NFE2L3: variants seen among roughly 807,000 people sequenced by gnomAD.
The protein encoded by NFE2L3 is NFE2 like bZIP transcription factor 3.
In NFE2L3, 18 loss-of-function variants were observed where a neutral mutation model predicts 23.5. That is an observed-to-expected ratio of 0.77 (90% CI 0.53 to 1.13). The LOEUF is 1.13. Among genes scored for constraint, NFE2L3 ranks in the 50% most tolerant of loss-of-function variants. The pLI, the probability that NFE2L3 is intolerant of heterozygous loss-of-function variation, is 0.00. For missense variants in NFE2L3, 1,152 were observed against 877.2 expected (o/e 1.31, Z -3.96); for synonymous variants, 424 against 354.5 (o/e 1.20, Z -2.20).
rs528058254 is a variant in NFE2L3, at chr7:26,186,983, C to T, written c.*1200C>T. 2 of 152,170 alleles carry T rather than the reference C, an allele frequency of 1.3e-5. No individual in the cohort carries two copies. Among genetic ancestry groups the T allele is most frequent in the East Asian group, 3.9e-4 (2 of 5,182 alleles). 9.4% of individuals were successfully genotyped at this position (152,170 alleles called of 1,614,324 possible). On this transcript the variant is annotated 3_prime_UTR_variant, in exon 4 of 4. Transcript: ENST00000056233. Reference sequence around the variant, plus strand: ...CGGGTACTATAATGCTTAATATGTCCAAATTTTCAAAATGAAGTTTCTCAG... The same window carrying T: ...CGGGTACTATAATGCTTAATATGTCTAAATTTTCAAAATGAAGTTTCTCAG...
In NFE2L3 at chr7:26,185,880, C is replaced by T. The variant is rs749323036; in HGVS notation, c.*97C>T. 8.3e-6 allele frequency: 8 copies of T among 965,044 alleles called. No individual in the cohort carries two copies. The highest frequency in any genetic ancestry group is 1.2e-5 in the Non-Finnish European group (8 of 662,460). The allele number at this position is 965,044 out of a possible 1,614,324, so 59.8% of individuals were successfully genotyped here. On this transcript the variant is annotated 3_prime_UTR_variant, in exon 4 of 4. Coordinates refer to ENST00000056233, the MANE Select transcript of NFE2L3 (RefSeq NM_004289.7). ...ATTGAAACTGCTTCAAGAATTGTAT[C>T]TTTAAGTACTGCTACTTGAATAACT...
intron 1 of NFE2L3, among the ~76,000 whole-genome samples, chr7:26,168,309 G>A (rs529766770): frequency 6.6e-5 from 10 of 151,568 alleles, no homozygotes; most frequent in African/African-American, 2.4e-4. Context: ...GCTAATTTTT[G>A]TATTTTAAGT....
At position 26,184,554 on chromosome 7, in the gene NFE2L3, C is replaced by G; in HGVS notation, c.856C>G (p.Pro286Ala). The change falls in exon 4 of 4, where the codon CCT (proline) becomes GCT (alanine). Residue 286 changes from proline to alanine, a missense_variant. Transcript: ENST00000056233. ...TCAGGGCATCTCATTGGGAGATATTCCTCTTCCAGGCAGTATCAGTGATGG... is the reference window on the plus strand; with the variant it reads ...TCAGGGCATCTCATTGGGAGATATTGCTCTTCCAGGCAGTATCAGTGATGG... Reference protein sequence around the residue: ...SLEGISLGDIPLPGSISDGMN... With the variant: ...SLEGISLGDIALPGSISDGMN... 6.2e-7 allele frequency: 1 copy of G among 1,611,492 alleles called. No individual in the cohort carries two copies. Among genetic ancestry groups the G allele is most frequent in the Non-Finnish European group, 8.5e-7 (1 of 1,178,370 alleles).
At chr7:26,179,848 G>A (rs1286631454) in intron 2 of NFE2L3, among the ~76,000 whole-genome samples, 1 of 152,142 alleles carries the variant, frequency 6.6e-6, no homozygotes, top group Non-Finnish European at 1.5e-5. Flanking sequence ...TTGACCACGC[G>A]ATACATTTAA....
intron 1 of NFE2L3, among the ~76,000 whole-genome samples, chr7:26,173,248 C>G (rs959439568): frequency 1.3e-5 from 2 of 152,156 alleles, no homozygotes; most frequent in African/African-American, 4.8e-5. Flanking sequence ...TCATTACACT[C>G]AAAAAGTTTC....
rs747802293 is a variant in NFE2L3 at position 26,153,024 on chromosome 7, G to C, written c.526G>C (p.Glu176Gln). 6.6e-7 allele frequency: 1 copy of C among 1,525,976 alleles called. No individual in the cohort carries two copies. The highest frequency in any genetic ancestry group is 1.4e-5 in the African/African-American group (1 of 71,188). The allele number at this position is 1,525,976 out of a possible 1,614,324, so 94.5% of individuals were successfully genotyped here. A position where few individuals can be genotyped will look rare whatever the true frequency, so the allele number is the denominator to read the frequency against. ...DAGEEEKAPAEPTAQVPDAGG... is the reference protein window; with the variant it reads ...DAGEEEKAPAQPTAQVPDAGG... ...CGGGGAAGAGGAGAAGGCACCCGCG[G>C]AACCGACGGCTCAGGTGCCGGACGC... is the stretch of plus-strand genomic sequence containing the variant. Residue 176 changes from glutamate (E) to glutamine (Q), a missense_variant, in exon 1 of 4, where the codon GAA becomes CAA. Physicochemically the swap from Glu to Gln is conservative, Grantham distance 29 (BLOSUM62 2). Coordinates refer to ENST00000056233, the MANE Select transcript of NFE2L3 (RefSeq NM_004289.7).
At chr7:26,175,667 T>TGACACAGCAC (rs1554323222) in intron 1 of NFE2L3, among the ~76,000 whole-genome samples, 1 of 151,234 alleles carries the variant, frequency 6.6e-6, no homozygotes, top group Non-Finnish European at 1.5e-5. Flanking sequence ...TAGTCCCAGT[T>TGACACAGCAC]ACTGGGGAGG....
In NFE2L3 at chr7:26,185,666, A is replaced by G; in HGVS notation, c.1968A>G (p.Pro656=). 8 of 1,613,960 alleles carry G rather than the reference A, an allele frequency of 5.0e-6. No homozygotes were observed. Among genetic ancestry groups the G allele is most frequent in the Non-Finnish European group, 6.8e-6 (8 of 1,179,826 alleles). The change falls in exon 4 of 4, where the codon CCA becomes CCG. Residue 656 remains proline (P), a synonymous_variant. Coordinates refer to ENST00000056233, the MANE Select transcript of NFE2L3 (RefSeq NM_004289.7). ...FSRLRDDQGR[P]VNPNHYALQC... ...GATTAAGAGATGACCAAGGTAGGCC[A>G]GTCAATCCCAACCACTATGCTCTCC...
chr7:26,168,099 C>T (rs960670564), intron 1 of NFE2L3, among the ~76,000 whole-genome samples: 12 of 148,300 alleles, frequency 8.1e-5, no homozygotes, highest in Non-Finnish European at 1.8e-4. Context: ...TTCCTGCCTC[C>T]CCCCAAGTCC....
At chr7:26,158,607 T>C (rs1220165485) in intron 1 of NFE2L3, among the ~76,000 whole-genome samples, 1 of 152,222 alleles carries the variant, frequency 6.6e-6, no homozygotes, top group Non-Finnish European at 1.5e-5. Flanking sequence ...GCTCAAACCA[T>C]CTTTTTCCAG....
rs576028499 is a variant in NFE2L3 at position 26,153,968 on chromosome 7, G to C, written c.570+900G>C. On this transcript the variant is annotated intron_variant, in intron 1 of 3. Coordinates refer to ENST00000056233, the MANE Select transcript of NFE2L3 (RefSeq NM_004289.7). Reference sequence around the variant, plus strand: ...TGCAACTGGTAACGATCAACCAGTGGTGATCAACTAATGTTCTTCGGGTGT... The same window carrying C: ...TGCAACTGGTAACGATCAACCAGTGCTGATCAACTAATGTTCTTCGGGTGT... Among the ~76,000 whole-genome samples the C allele has an allele frequency of 9.8e-5, 15 of 152,354 alleles. No individual in the cohort carries two copies. The South Asian group carries it at 1.2e-3, about 13-fold the overall frequency.
At chr7:26,166,638 G>C (rs1234127216) in intron 1 of NFE2L3, among the ~76,000 whole-genome samples, 1 of 152,146 alleles carries the variant, frequency 6.6e-6, no homozygotes, top group Non-Finnish European at 1.5e-5. Context: ...AATGTACATA[G>C]GGCCTGGCCT....
At chr7:26,171,156 G>C (rs1044244592) in intron 1 of NFE2L3, among the ~76,000 whole-genome samples, 1 of 152,198 alleles carries the variant, frequency 6.6e-6, no homozygotes, top group Non-Finnish European at 1.5e-5. Context: ...TAAATTCCAG[G>C]AATGTATCCT....
At position 26,152,954 on chromosome 7, in the gene NFE2L3, G is replaced by A. The variant is rs1431458093; in HGVS notation, c.456G>A (p.Gly152=). 1 of 1,482,916 alleles carries A rather than the reference G, an allele frequency of 6.7e-7. No individual in the cohort carries two copies. The highest frequency in any genetic ancestry group is 8.9e-7 in the Non-Finnish European group (1 of 1,125,722). 91.9% of individuals were successfully genotyped at this position (1,482,916 alleles called of 1,614,324 possible). A position where few individuals can be genotyped will look rare whatever the true frequency, so the allele number is the denominator to read the frequency against. Residue 152 remains glycine (G), a synonymous_variant, in exon 1 of 4, where the codon GGG becomes GGA. Transcript: ENST00000056233. The surrounding 1 kb of genome is among the most constrained non-coding windows in gnomAD (Gnocchi z 4.4). The part of the protein sequence containing the change: ...SVDGGSQAVQ[G]GGGDPRAARS... Reference sequence around the variant, plus strand: ...ACGGCGGCAGCCAGGCTGTGCAGGGGGGCGGCGGGGACCCCCGAGCGGCTC... The same window carrying A: ...ACGGCGGCAGCCAGGCTGTGCAGGGAGGCGGCGGGGACCCCCGAGCGGCTC...
chr7:26,185,829 G>A lies in NFE2L3; in HGVS notation c.*46G>A. On this transcript the variant is annotated 3_prime_UTR_variant, in exon 4 of 4. Coordinates refer to ENST00000056233, the MANE Select transcript of NFE2L3 (RefSeq NM_004289.7). ...CTATTATGTGAAGTAGTAATGTTCA[G>A]AAACTGATTATTTGGATCAGAAACC... The A allele has an allele frequency of 6.9e-7, 1 of 1,444,294 alleles. No individual in the cohort carries two copies. Among genetic ancestry groups the A allele is most frequent in the African/African-American group, 1.4e-5 (1 of 69,450 alleles). 89.5% of individuals were successfully genotyped at this position (1,444,294 alleles called of 1,614,324 possible).
intron 2 of NFE2L3, among the ~76,000 whole-genome samples, chr7:26,179,652 T>G (rs1201423550): frequency 6.6e-6 from 1 of 152,046 alleles, no homozygotes; most frequent in Non-Finnish European, 1.5e-5. Flanking sequence ...GCTGCAGTGA[T>G]CCGTCATCAT....
Position 26,185,987 on chromosome 7 carries a change from A to AGATTGC in NFE2L3, c.*204_*205insGATTGC. 2.1e-6 allele frequency: 1 copy of AGATTGC among 476,618 alleles called. No individual in the cohort carries two copies. The highest frequency in any genetic ancestry group is 3.3e-5 in the East Asian group (1 of 30,104). 29.5% of individuals were successfully genotyped at this position (476,618 alleles called of 1,614,324 possible). ...CTTGTGGGCAATCTGGGGGAGCCAC[A>AGATTGC]ACTTTTCATGAAGTGCATTGTATAC... On this transcript the variant is annotated 3_prime_UTR_variant, in exon 4 of 4. Transcript: ENST00000056233.
At chr7:26,177,493 GGGCCGAGGCA>G (rs1376325181) in intron 1 of NFE2L3, among the ~76,000 whole-genome samples, 1 of 152,068 alleles carries the variant, frequency 6.6e-6, no homozygotes, top group Non-Finnish European at 1.5e-5. Flanking sequence ...GGCACTGGGC[GGGCCGAGGCA>G]GGACAATCAC....
rs374646389 is a variant in NFE2L3, at chr7:26,185,574, C to A, written c.1876C>A (p.Gln626Lys). Reference sequence around the variant, plus strand: ...GGAAACTCTTAAGAGAGAGCAAGCACAATGTAACAAAGCTATTAACATAAT... The same window carrying A: ...GGAAACTCTTAAGAGAGAGCAAGCAAAATGTAACAAAGCTATTAACATAAT... Reference protein sequence around the residue: ...KKETLKREQAQCNKAINIMKQ... With the variant: ...KKETLKREQAKCNKAINIMKQ... The change falls in exon 4 of 4, where the codon CAA (glutamine) becomes AAA (lysine). Residue 626 changes from glutamine to lysine, a missense_variant. Physicochemically the swap from Gln to Lys is moderately conservative, Grantham distance 53. Coordinates refer to ENST00000056233, the MANE Select transcript of NFE2L3 (RefSeq NM_004289.7). The A allele has an allele frequency of 9.4e-5, 151 of 1,613,618 alleles. No individual in the cohort carries two copies. Among genetic ancestry groups the A allele is most frequent in the Non-Finnish European group, 1.2e-4 (146 of 1,179,716 alleles).
Sources: gnomAD v4.1 joint callset for allele counts (sites outside exome capture counted in the v4.1 genomes callset) on GRCh38, gnomAD v4.1.1 for gene constraint, Gnocchi (gnomAD v3.1) non-coding constraint, MANE v1.5 for transcripts, NCBI Gene and HGNC (gene_info 2026-07-23, HGNC 2026-07-21) for gene names.